CNTNAP2: variants seen among roughly 807,000 people sequenced by gnomAD.
The protein encoded by CNTNAP2 is contactin-associated protein-like 2.
In CNTNAP2, 98 loss-of-function variants were observed where a neutral mutation model predicts 155.2. The ratio of observed to expected loss-of-function variants is 0.63; its 90% confidence interval spans 0.54 to 0.75. The LOEUF (loss-of-function observed/expected upper bound fraction) is 0.75. Among genes scored for constraint, CNTNAP2 ranks in the 30% least tolerant of loss-of-function variants. The probability of loss-of-function intolerance (pLI) is 0.00; values close to 1 mark genes in which losing one functional copy is unlikely to be tolerated. For synonymous variants in CNTNAP2, 651 were observed against 631.2 expected, an observed-to-expected ratio of 1.03 and a Z score of -0.47; for missense variants, 1,727 against 1,688.1, an observed-to-expected ratio of 1.02 and a Z score of -0.40.
At chr7:147,745,291 A>G (rs1405140184) in intron 13 of CNTNAP2, among the ~76,000 whole-genome samples, 1 of 152,230 alleles carries the variant, frequency 6.6e-6, no homozygotes, top group Non-Finnish European at 1.5e-5. Context: ...GCTTTCAGCT[A>G]AAAGCTCAGC....
chr7:147,590,640 C>T (rs149131861), intron 12 of CNTNAP2, among the ~76,000 whole-genome samples: 5 of 152,250 alleles, frequency 3.3e-5, no homozygotes, highest in Non-Finnish European at 4.4e-5. Flanking sequence ...GGATTCTGTC[C>T]GTGAACAACT....
chr7:147,653,845 A>C (rs1315003595), intron 13 of CNTNAP2, among the ~76,000 whole-genome samples: 1 of 152,190 alleles, frequency 6.6e-6, no homozygotes, highest in Non-Finnish European at 1.5e-5. Flanking sequence ...TTCTCTTTAG[A>C]AGGCAGATAT....
At chr7:146,682,885 T>C (rs1433703311) in intron 1 of CNTNAP2, among the ~76,000 whole-genome samples, 1 of 152,198 alleles carries the variant, frequency 6.6e-6, no homozygotes, top group Non-Finnish European at 1.5e-5. Flanking sequence ...ACTGGATTGT[T>C]TCATCCTGGT....
intron 2 of CNTNAP2, among the ~76,000 whole-genome samples, chr7:146,788,406 T>C (rs1172319808): frequency 6.6e-6 from 1 of 152,252 alleles, no homozygotes; most frequent in Admixed American, 6.5e-5. Flanking sequence ...TCTCGTATTA[T>C]GGTAAGGTCA....
chr7:147,255,422 A>G (rs1029381998), intron 8 of CNTNAP2, among the ~76,000 whole-genome samples: 1 of 152,154 alleles, frequency 6.6e-6, no homozygotes, highest in Non-Finnish European at 1.5e-5. Context: ...GGGTTTCACC[A>G]TGTTGACCAG....
chr7:147,547,496 C>T (rs1316321013), intron 11 of CNTNAP2, among the ~76,000 whole-genome samples: 1 of 152,174 alleles, frequency 6.6e-6, no homozygotes, highest in Admixed American at 6.5e-5. Context: ...GCAGCGCTGT[C>T]TCCTCAGCTC....
intron 3 of CNTNAP2, among the ~76,000 whole-genome samples, chr7:146,970,897 T>C (rs975403184): frequency 1.3e-5 from 2 of 152,140 alleles, no homozygotes; most frequent in South Asian, 2.1e-4. Flanking sequence ...AATGATGCGT[T>C]CATGTCCTTT....
intron 1 of CNTNAP2, among the ~76,000 whole-genome samples, chr7:146,707,136 A>G (rs1423372994): frequency 6.6e-6 from 1 of 152,112 alleles, no homozygotes; most frequent in Non-Finnish European, 1.5e-5. Context: ...ACTTTTCATG[A>G]CCATTCTGGG....
chr7:146,416,834 A>G (rs1795944530), intron 1 of CNTNAP2, among the ~76,000 whole-genome samples: 1 of 152,166 alleles, frequency 6.6e-6, no homozygotes, highest in African/African-American at 2.4e-5. Flanking sequence ...GAATGCAAAG[A>G]TGAATCAATT....
intron 1 of CNTNAP2, among the ~76,000 whole-genome samples, chr7:146,248,609 GA>G (rs767130853): frequency 5.3e-4 from 81 of 152,198 alleles, no homozygotes; most frequent in Non-Finnish European, 9.6e-4. Flanking sequence ...ATTGAAAGGA[GA>G]AAGAGGTTGA....
chr7:146,753,124 T>G (rs1202270425), intron 1 of CNTNAP2, among the ~76,000 whole-genome samples: 1 of 152,256 alleles, frequency 6.6e-6, no homozygotes, highest in Non-Finnish European at 1.5e-5. Flanking sequence ...CTACTGTCAT[T>G]TACTAAAATA....
chr7:147,911,133 GC>G (rs1800059160), intron 14 of CNTNAP2, among the ~76,000 whole-genome samples: 1 of 151,784 alleles, frequency 6.6e-6, no homozygotes, highest in South Asian at 2.1e-4. Flanking sequence ...TCTCCTCCTA[GC>G]CCCTGGCCAG....
At chr7:146,406,907 CA>C (rs373849383) in intron 1 of CNTNAP2, among the ~76,000 whole-genome samples, 4 of 152,256 alleles carry the variant, frequency 2.6e-5, no homozygotes, top group African/African-American at 9.6e-5. Context: ...GTGTGTTTTT[CA>C]ATGCATCATT....
At chr7:148,336,564 C>T (rs1798119472) in intron 21 of CNTNAP2, among the ~76,000 whole-genome samples, 1 of 130,106 alleles carries the variant, frequency 7.7e-6, no homozygotes, top group Non-Finnish European at 1.7e-5. Flanking sequence ...AAAAAAAAAG[C>T]CAAAACTAAA....
chr7:147,073,074 G>A (rs1050978215), intron 4 of CNTNAP2, among the ~76,000 whole-genome samples: 13 of 148,556 alleles, frequency 8.8e-5, no homozygotes, highest in Admixed American at 5.4e-4. Context: ...GGATGGTCTC[G>A]ATCTCCTGAC....
intron 10 of CNTNAP2, among the ~76,000 whole-genome samples, chr7:147,468,321 G>A (rs1798155494): frequency 6.6e-6 from 1 of 152,024 alleles, no homozygotes; most frequent in Non-Finnish European, 1.5e-5. Context: ...AATTTATGGT[G>A]TTTTCATTCT....
chr7:146,569,203 A>G (rs1171473197), intron 1 of CNTNAP2, among the ~76,000 whole-genome samples: 1 of 152,058 alleles, frequency 6.6e-6, no homozygotes, highest in Non-Finnish European at 1.5e-5. Context: ...TTTTTAGTAC[A>G]GACGGGGTTT....
chr7:147,622,930 G>C (rs1460421862), intron 12 of CNTNAP2, among the ~76,000 whole-genome samples: 1 of 152,070 alleles, frequency 6.6e-6, no homozygotes, highest in Admixed American at 6.6e-5. Context: ...TGAAAAAGGA[G>C]ACATTACAAC....
At chr7:148,221,907 C>G (rs903898487) in intron 19 of CNTNAP2, among the ~76,000 whole-genome samples, 1 of 152,224 alleles carries the variant, frequency 6.6e-6, no homozygotes, top group African/African-American at 2.4e-5. Context: ...AGGCAAATAT[C>G]TTTTAATTCC....
Sources: gnomAD v4.1 joint callset for allele counts (sites outside exome capture counted in the v4.1 genomes callset) on GRCh38, gnomAD v4.1.1 for gene constraint, MANE v1.5 for transcripts, NCBI Gene and HGNC (gene_info 2026-07-23, HGNC 2026-07-21) for gene names.